Variants in EYS observed in about 807,000 individuals in gnomAD.
EYS encodes EGF-like photoreceptor maintenance factor, also known as protein eyes shut homolog.
EYS carries 250 observed loss-of-function variants against 282.1 expected under a neutral mutation model. That is an observed-to-expected ratio of 0.89 (90% confidence interval 0.80 to 0.98). The LOEUF (loss-of-function observed/expected upper bound fraction) is 0.98. EYS is among the 50% of genes least tolerant of loss of function. The pLI is 0.00. For synonymous variants in EYS, 1,355 were observed against 1,282.9 expected (o/e 1.06, Z -1.20); for missense variants, 4,016 against 3,709.0 (o/e 1.08, Z -2.15).
chr6:64,479,917 C>A (rs533239116), intron 26 of EYS, among the ~76,000 whole-genome samples: 1 of 151,706 alleles, frequency 6.6e-6, no homozygotes. Context: ...ATTGGAGCAA[C>A]AACAATAAAA....
At chr6:64,948,261 T>G (rs527571075) in intron 14 of EYS, among the ~76,000 whole-genome samples, 8 of 151,296 alleles carry the variant, frequency 5.3e-5, no homozygotes, top group Non-Finnish European at 1.0e-4. Flanking sequence ...AACCCAGAGT[T>G]TGAGAATTTT....
At chr6:64,008,005 T>C (rs1217722750) in intron 33 of EYS, among the ~76,000 whole-genome samples, 1 of 152,058 alleles carries the variant, frequency 6.6e-6, no homozygotes, top group Non-Finnish European at 1.5e-5. Context: ...TTTGGTCAAG[T>C]GTCAAATTCA....
At chr6:64,923,227 A>G (rs2015797) in intron 15 of EYS, among the ~76,000 whole-genome samples, 1 of 152,142 alleles carries the variant, frequency 6.6e-6, no homozygotes, top group Non-Finnish European at 1.5e-5. Flanking sequence ...GGCGAAAGGT[A>G]TGTCTTACAT....
chr6:64,513,730 C>T (rs767641289), intron 26 of EYS, among the ~76,000 whole-genome samples: 5 of 151,778 alleles, frequency 3.3e-5, no homozygotes, highest in Admixed American at 1.3e-4. Context: ...TGTATTAACT[C>T]AGTGAATATT....
At chr6:63,777,417 G>A (rs1014041417) in intron 40 of EYS, among the ~76,000 whole-genome samples, 1 of 152,264 alleles carries the variant, frequency 6.6e-6, no homozygotes, top group Non-Finnish European at 1.5e-5. Context: ...AGAAATTTAT[G>A]AGTAGCTAGA....
intron 26 of EYS, among the ~76,000 whole-genome samples, chr6:64,582,005 CTG>C (rs1766085968): frequency 6.6e-6 from 1 of 152,156 alleles, no homozygotes; most frequent in Non-Finnish European, 1.5e-5. Flanking sequence ...ATAAACCAAA[CTG>C]AGAATTGTCA....
chr6:65,014,074 G>A (rs1005178384), intron 13 of EYS, among the ~76,000 whole-genome samples: 2 of 152,148 alleles, frequency 1.3e-5, no homozygotes. Flanking sequence ...TTGCCTCAAA[G>A]AAGCAAATGA....
At chr6:64,551,671 G>C (rs576355822) in intron 26 of EYS, among the ~76,000 whole-genome samples, 1 of 151,476 alleles carries the variant, frequency 6.6e-6, no homozygotes, top group South Asian at 2.1e-4. Flanking sequence ...TGAGTACCAA[G>C]GACCACAAGC....
chr6:65,414,845 G>GA (rs1014878107), intron 5 of EYS, among the ~76,000 whole-genome samples: 1 of 151,882 alleles, frequency 6.6e-6, no homozygotes, highest in South Asian at 2.1e-4. Flanking sequence ...ATCCTTTAGG[G>GA]AAAAAATGGA....
At chr6:64,891,826 A>G (rs770335395) in intron 18 of EYS, among the ~76,000 whole-genome samples, 5 of 152,074 alleles carry the variant, frequency 3.3e-5, no homozygotes, top group Non-Finnish European at 7.4e-5. Flanking sequence ...AATATCTTCT[A>G]TCTTGAGAGA....
At chr6:63,727,385 C>G (rs1254914658) in intron 41 of EYS, among the ~76,000 whole-genome samples, 1 of 151,650 alleles carries the variant, frequency 6.6e-6, no homozygotes, top group Non-Finnish European at 1.5e-5. Flanking sequence ...GCTAACGGCT[C>G]CTTTTACTTT....
intron 10 of EYS, among the ~76,000 whole-genome samples, chr6:65,339,180 T>C (rs1460517435): frequency 6.6e-6 from 1 of 151,102 alleles, no homozygotes; most frequent in Non-Finnish European, 1.5e-5. Flanking sequence ...TAAAATAATA[T>C]CTGTCAAGGT....
At chr6:64,454,475 T>G (rs1425392254) in intron 26 of EYS, among the ~76,000 whole-genome samples, 1 of 152,144 alleles carries the variant, frequency 6.6e-6, no homozygotes, top group Admixed American at 6.6e-5. Flanking sequence ...TTACTGAAAA[T>G]GTATAAGTAC....
chr6:65,279,199 AAT>A (rs1050284782), intron 12 of EYS, among the ~76,000 whole-genome samples: 10 of 150,748 alleles, frequency 6.6e-5, no homozygotes, highest in African/African-American at 1.5e-4. Flanking sequence ...TATAAAAAAA[AAT>A]AATAATAACA....
chr6:65,538,053 A>G (rs1407568455), intron 2 of EYS, among the ~76,000 whole-genome samples: 1 of 152,182 alleles, frequency 6.6e-6, no homozygotes, highest in East Asian at 1.9e-4. Flanking sequence ...ATTTTATTAA[A>G]TAGCAATAAA....
chr6:65,526,997 G>A (rs1767592474), intron 2 of EYS, among the ~76,000 whole-genome samples: 1 of 152,096 alleles, frequency 6.6e-6, no homozygotes, highest in South Asian at 2.1e-4. Context: ...AGCCCAAAGG[G>A]ATGAGTCCCT....
At chr6:63,827,785 A>G (rs1359561671) in intron 36 of EYS, among the ~76,000 whole-genome samples, 2 of 148,758 alleles carry the variant, frequency 1.3e-5, no homozygotes, top group Non-Finnish European at 3.0e-5. Context: ...CGGAGCTTGC[A>G]GTGAGCTGAG....
intron 14 of EYS, among the ~76,000 whole-genome samples, chr6:64,975,188 T>A (rs112784441): frequency 0.026 from 4,019 of 151,922 alleles, 175 homozygotes; most frequent in African/African-American, 0.091. Context: ...GAATTTCTGA[T>A]ATTGATTAGA....
chr6:63,994,938 A>C (rs146707337), intron 34 of EYS, among the ~76,000 whole-genome samples: 28 of 151,950 alleles, frequency 1.8e-4, no homozygotes, highest in African/African-American at 6.5e-4. Context: ...AGAGGAAAAC[A>C]TGGGGAAAAT....
Sources: gnomAD v4.1 joint callset for allele counts (sites outside exome capture counted in the v4.1 genomes callset) on GRCh38, gnomAD v4.1.1 for gene constraint, MANE v1.5 for transcripts, NCBI Gene and HGNC (gene_info 2026-07-23, HGNC 2026-07-21) for gene names.